The following CYB5R2 variants were observed in gnomAD, a reference collection of about 807,000 sequenced individuals.
CYB5R2 encodes the protein cytochrome b5 reductase 2, also known as NADH-cytochrome b5 reductase 2.
A neutral mutation model predicts 29.8 loss-of-function variants in CYB5R2; 35 were observed. The observed-to-expected ratio is 1.17, with a 90% CI of 0.90 to 1.56. CYB5R2 has a LOEUF of 1.56. Ranked by LOEUF, CYB5R2 falls within the 40% of genes most tolerant of loss-of-function variation. The pLI, the probability that CYB5R2 is intolerant of heterozygous loss-of-function variation, is 0.00. For synonymous variants in CYB5R2, 169 were observed against 130.6 expected, an observed-to-expected ratio of 1.29 and a Z score of -2.01; for missense variants, 419 against 346.7, an observed-to-expected ratio of 1.21 and a Z score of -1.66.
At chr11:7,673,564 C>G, upstream of CYB5R2, 2 of 985,372 alleles carry the variant, frequency 2.0e-6, no homozygotes, top group Non-Finnish European at 2.4e-6. Flanking sequence ...CCCACGACCT[C>G]TCCCCACGCC....
chr11:7,669,621 T>C lies in CYB5R2; in HGVS notation c.258+4A>G. 6.3e-7 allele frequency: 1 copy of C among 1,588,462 alleles called. No individual in the cohort carries two copies. On this transcript the variant is annotated splice_donor_region_variant and intron_variant, in intron 4 of 8. Coordinates refer to ENST00000299498, the MANE Select transcript of CYB5R2 (RefSeq NM_016229.5). Reference sequence around the variant, plus strand: ...GCTAGCCAGATATGGTGGGCACTATTTACCTTTATAATTAGGTCCACAAAG... The same window carrying C: ...GCTAGCCAGATATGGTGGGCACTATCTACCTTTATAATTAGGTCCACAAAG...
intron 1 of CYB5R2, 179 bp from the exon 2 acceptor site, chr11:7,673,070 G>T: frequency 1.8e-6 from 1 of 563,086 alleles, no homozygotes; most frequent in Non-Finnish European, 3.1e-6. Flanking sequence ...TCGTGGACCA[G>T]AGGGTAGGGA....
chr11:7,673,646 T>C (rs563504947), upstream of CYB5R2: 3,967 of 985,322 alleles, frequency 4.0e-3, 12 homozygotes, highest in Admixed American at 4.8e-3. Flanking sequence ...GCCTCTGGCC[T>C]CTTTCCTTCC....
intron 3 of CYB5R2, 119 bp from the exon 4 acceptor site, chr11:7,669,850 G>T: frequency 1.3e-6 from 1 of 759,950 alleles, no homozygotes. Context: ...TAAGAGGGGT[G>T]GGAAGAAGAG....
intron 8 of CYB5R2, chr11:7,665,967 G>A (rs1481841236): frequency 6.6e-7 from 1 of 1,510,938 alleles, no homozygotes; most frequent in Admixed American, 2.0e-5. Context: ...ACAGCCGGGA[G>A]CAGTGTGAGA....
intron 3 of CYB5R2, chr11:7,672,094 A>AGG (rs1855778727): frequency 8.6e-6 from 2 of 232,112 alleles, no homozygotes; most frequent in East Asian, 1.7e-4. Context: ...AGTGAGGTAG[A>AGG]CAGGCAGGCC....
chr11:7,673,860 G>T (rs1218188850), upstream of CYB5R2: 3 of 990,246 alleles, frequency 3.0e-6, no homozygotes, highest in African/African-American at 1.7e-5. Context: ...GCACGCCCGG[G>T]AGGACAAAAG....
intron 1 of CYB5R2, 155 bp from the exon 2 acceptor site, chr11:7,673,046 G>A: frequency 1.4e-6 from 1 of 713,072 alleles, no homozygotes; most frequent in Non-Finnish European, 2.3e-6. Flanking sequence ...ACAGAAGGCG[G>A]CTGGGAGAGC....
rs751758386 is a variant in CYB5R2 at position 7,666,509 on chromosome 11, A to G, written c.600T>C (p.Ile200=). ...TGAACTGGTCTGGGTGAGTCCTGGC[A>G]ATTTCTTCAAGCTCTTTTCTGACCA... ...DILVRKELEE[I]ARTHPDQFNL... Residue 200 remains isoleucine (I), a synonymous_variant, in exon 8 of 9, where the codon ATT becomes ATC. Transcript: ENST00000299498. The G allele has an allele frequency of 1.2e-6, 2 of 1,613,604 alleles. No individual in the cohort carries two copies. The highest frequency in any genetic ancestry group is 3.3e-5 in the Admixed American group (2 of 60,024).
chr11:7,673,805 C>T (rs919426833), upstream of CYB5R2: 15 of 988,136 alleles, frequency 1.5e-5, no homozygotes, highest in African/African-American at 2.3e-4. Context: ...GGCGTCGCCC[C>T]GCAGCTCCGC....
rs1855608848 is a variant in CYB5R2, at chr11:7,669,721, G to A, written c.162C>T (p.Val54=). ...CATTATCGATTTTTGCCAAGAGCTG[G>A]ACATAGTTACCTATAGAAAAGGCAT... The part of the protein sequence containing the change: ...HVLGLPVGNY[V]QLLAKIDNEL... The change falls in exon 4 of 9, where the codon GTC becomes GTT. Residue 54 remains valine (V), a synonymous_variant. Coordinates refer to ENST00000299498, the MANE Select transcript of CYB5R2 (RefSeq NM_016229.5). 6.2e-7 allele frequency: 1 copy of A among 1,613,588 alleles called. No individual in the cohort carries two copies. Among genetic ancestry groups the A allele is most frequent in the African/African-American group, 1.3e-5 (1 of 75,050 alleles).
chr11:7,670,547 A>T (rs1855665765), intron 3 of CYB5R2: 1 of 152,176 alleles, frequency 6.6e-6, no homozygotes, highest in Non-Finnish European at 1.5e-5. Context: ...GGATTTGGGT[A>T]CCCATGGAGC....
At chr11:7,673,184 C>CAA (rs751056956) in intron 1 of CYB5R2, 119 of 420,062 alleles carry the variant, frequency 2.8e-4, no homozygotes, top group Non-Finnish European at 4.2e-4. Context: ...TGGCTACAGC[C>CAA]AAAGGTTCAT....
At chr11:7,667,644 C>CTCAG in intron 7 of CYB5R2, 84 bp downstream of exon 7, 7 of 1,291,178 alleles carry the variant, frequency 5.4e-6, no homozygotes, top group Non-Finnish European at 7.9e-6. Context: ...GCAGCATGAG[C>CTCAG]TCAGTCAATG....
At position 7,672,811 on chromosome 11, in the gene CYB5R2, C is replaced by T; in HGVS notation, c.15G>A (p.Arg5=). The change falls in exon 2 of 9, where the codon AGG becomes AGA. Residue 5 remains arginine, a synonymous_variant. Transcript: ENST00000299498. Reference sequence around the variant, plus strand: ...GGTCCTGTAAGGTGATTGGCTCTCTCCTCCTGGAGTTCATGCTCTTCAGGA... The same window carrying T: ...GGTCCTGTAAGGTGATTGGCTCTCTTCTCCTGGAGTTCATGCTCTTCAGGA... The part of the protein sequence containing the change: MNSR[R]REPITLQDPE... The T allele has an allele frequency of 1.9e-6, 3 of 1,614,182 alleles. No homozygotes were observed. The African/African-American group carries it at 4.0e-5, about 22-fold the overall frequency.
At chr11:7,672,568 C>G in intron 2 of CYB5R2, 45 bp from the exon 3 acceptor site, 1 of 1,595,010 alleles carries the variant, frequency 6.3e-7, no homozygotes. Flanking sequence ...TTTCTAGAAG[C>G]CTTGCTGGGC....
In CYB5R2 at chr11:7,666,491, G is replaced by C. The variant is rs1452403562; in HGVS notation, c.618C>G (p.Asp206Glu). 6.2e-7 allele frequency: 1 copy of C among 1,613,422 alleles called. No individual in the cohort carries two copies. The highest frequency in any genetic ancestry group is 8.5e-7 in the Non-Finnish European group (1 of 1,179,574). The change falls in exon 8 of 9, where the codon GAC (aspartate) becomes GAG (glutamate). Residue 206 changes from aspartate to glutamate, a missense_variant. By Grantham distance (45) the Asp-to-Glu change is conservative. Transcript: ENST00000299498. Reference protein sequence around the residue: ...ELEEIARTHPDQFNLWYTLDR... With the variant: ...ELEEIARTHPEQFNLWYTLDR... Reference sequence around the variant, plus strand: ...CCAGGGTGTACCACAGGTTGAACTGGTCTGGGTGAGTCCTGGCAATTTCTT... The same window carrying C: ...CCAGGGTGTACCACAGGTTGAACTGCTCTGGGTGAGTCCTGGCAATTTCTT...
intron 3 of CYB5R2, chr11:7,672,181 C>A: frequency 2.3e-6 from 1 of 426,424 alleles, no homozygotes; most frequent in South Asian, 5.1e-5. Context: ...AGGAGCCTTC[C>A]ATGAGATTTT....
chr11:7,667,782 G>A lies in CYB5R2; in HGVS notation c.504C>T (p.His168=). 1 of 1,614,220 alleles carries A rather than the reference G, an allele frequency of 6.2e-7. No homozygotes were observed. The change falls in exon 7 of 9, where the codon CAC becomes CAT. Residue 168 remains histidine, a synonymous_variant. Coordinates refer to ENST00000299498, the MANE Select transcript of CYB5R2 (RefSeq NM_016229.5). ...GITPMLQLIR[H]ITKDPSDRTR... ...TCCTGTCACTGGGGTCCTTGGTGATGTGGCGAATGAGCTGCAACATGGGTG... is the reference window on the plus strand; with the variant it reads ...TCCTGTCACTGGGGTCCTTGGTGATATGGCGAATGAGCTGCAACATGGGTG...
Sources: allele counts gnomAD v4.1 joint callset, GRCh38; gene constraint gnomAD v4.1.1; transcripts MANE v1.5; gene names NCBI Gene and HGNC (gene_info 2026-07-23, HGNC 2026-07-21).